The following UBN2 variants were observed in gnomAD, a reference collection of about 807,000 sequenced individuals.
UBN2 encodes the protein ubinuclein-2.
In UBN2, 35 loss-of-function variants were observed where a neutral mutation model predicts 120.2. That is an observed-to-expected ratio of 0.29 (90% CI 0.22 to 0.39). The LOEUF (loss-of-function observed/expected upper bound fraction) is 0.39. Among genes scored for constraint, UBN2 ranks in the 10% least tolerant of loss-of-function variants. The pLI is 1.00. For missense variants in UBN2, 1,693 were observed against 1,663.2 expected (o/e 1.02, Z -0.31); for synonymous variants, 661 against 648.7 (o/e 1.02, Z -0.29).
At chr7:139,297,440 G>T (rs1798140619) in intron 17 of UBN2, among the ~76,000 whole-genome samples, 1 of 152,004 alleles carries the variant, frequency 6.6e-6, no homozygotes, top group African/African-American at 2.4e-5. Context: ...AGATGTAGTG[G>T]GTCCCTCGGA....
At chr7:139,238,288 G>A (rs147684949) in intron 2 of UBN2, among the ~76,000 whole-genome samples, 8 of 152,318 alleles carry the variant, frequency 5.3e-5, no homozygotes, top group African/African-American at 1.9e-4. Flanking sequence ...CTGGCTCCTT[G>A]TGGTAATTAA....
At position 139,261,629 on chromosome 7, in the gene UBN2, A is replaced by G. The variant is rs1196710914; in HGVS notation, c.1283A>G (p.Asn428Ser). The part of the protein sequence containing the change: ...GSPLSESGGE[N>S]GTTTQPTYTS... The stretch of plus-strand genomic sequence containing the variant: ...CCCCTATCTGAGTCGGGGGGTGAAA[A>G]TGGAACCACCACCCAGCCAACCTAC... The change falls in exon 6 of 18, where the codon AAT (asparagine) becomes AGT (serine). Residue 428 changes from asparagine to serine, a missense_variant. Around this residue, in one of 5 missense-constraint regions of UBN2, gnomAD observed 663 missense variants for 591.2 expected, o/e 1.12. Transcript: ENST00000473989. 6.2e-7 allele frequency: 1 copy of G among 1,614,192 alleles called. No homozygotes were observed. The highest frequency in any genetic ancestry group is 1.3e-5 in the African/African-American group (1 of 75,046).
At chr7:139,269,355 A>C in intron 7 of UBN2, 39 bp from the exon 8 acceptor site, 2 of 1,577,380 alleles carry the variant, frequency 1.3e-6, no homozygotes, top group Non-Finnish European at 1.7e-6. Flanking sequence ...ACCTAAAATA[A>C]ATTCTATACT....
In UBN2 at chr7:139,258,610, G is replaced by A. The variant is rs1363181124; in HGVS notation, c.786G>A (p.Lys262=). 8 of 1,597,796 alleles carry A rather than the reference G, an allele frequency of 5.0e-6. No homozygotes were observed. The Admixed American group carries it at 1.4e-4, about 27-fold the overall frequency. ...TEEDDITDNQ[K]HKPPKVPKIK... ...AAGATGATATTACAGACAACCAAAAGCACAAGCCACCCAAGGTGAGTTTAT... is the reference window on the plus strand; with the variant it reads ...AAGATGATATTACAGACAACCAAAAACACAAGCCACCCAAGGTGAGTTTAT... The change falls in exon 4 of 18, where the codon AAG becomes AAA. Residue 262 remains lysine, a synonymous_variant. Coordinates refer to ENST00000473989, the MANE Select transcript of UBN2 (RefSeq NM_173569.4).
At chr7:139,246,972 G>A (rs143739923) in intron 2 of UBN2, among the ~76,000 whole-genome samples, 2,631 of 152,096 alleles carry the variant, frequency 0.017, 41 homozygotes, top group Middle Eastern at 0.044. Flanking sequence ...GATGATGACC[G>A]TTGGGTTGTT....
intron 6 of UBN2, 23 bp downstream of exon 6, chr7:139,261,764 T>G: frequency 6.3e-7 from 1 of 1,588,226 alleles, no homozygotes; most frequent in Non-Finnish European, 8.6e-7. Flanking sequence ...ATTCTCTTGC[T>G]TTTTATTTGC....
At chr7:139,294,537 G>A (rs1482396379) in intron 17 of UBN2, among the ~76,000 whole-genome samples, 4 of 152,146 alleles carry the variant, frequency 2.6e-5, no homozygotes, top group Admixed American at 2.0e-4. Context: ...GCATTTTAGC[G>A]GAGATGAAAT....
Position 139,239,661 on chromosome 7 carries a change from A to C in UBN2, c.561+2564A>C, listed in dbSNP as rs1475892890. On this transcript the variant is annotated intron_variant, in intron 2 of 17. Transcript: ENST00000473989. The stretch of plus-strand genomic sequence containing the variant: ...CAACCTCCACTTCCCAGGTTCCAGC[A>C]GTTCTCCTGCCTCAACCTCCCAAGT... 2.7e-5 allele frequency among the ~76,000 whole-genome samples: 4 copies of C among 147,300 alleles called. No individual in the cohort carries two copies. In the East Asian group the frequency reaches 8.0e-4, roughly 29 times the overall value.
At chr7:139,248,181 C>T (rs957352070) in intron 2 of UBN2, among the ~76,000 whole-genome samples, 3 of 151,802 alleles carry the variant, frequency 2.0e-5, no homozygotes, top group African/African-American at 2.4e-5. Flanking sequence ...AGTAATGGTT[C>T]GAAATAAGCT....
chr7:139,250,322 T>C (rs1796590450), intron 2 of UBN2, among the ~76,000 whole-genome samples: 1 of 151,970 alleles, frequency 6.6e-6, no homozygotes, highest in Non-Finnish European at 1.5e-5. Context: ...AACGTCCGCC[T>C]CCCCAGTTCA....
chr7:139,231,530 CG>C lies in UBN2; in HGVS notation c.48del (p.Arg17GlyfsTer169). 7.1e-7 allele frequency: 1 copy of C among 1,417,872 alleles called. No homozygotes were observed. Among genetic ancestry groups the C allele is most frequent in the Non-Finnish European group, 9.3e-7 (1 of 1,077,818 alleles). 87.8% of individuals were successfully genotyped at this position (1,417,872 alleles called of 1,614,324 possible). A position where few individuals can be genotyped will look rare whatever the true frequency, so the allele number is the denominator to read the frequency against. Reference protein sequence around the residue: ...RVAFISLSPVRRREAEYPGPE... With the variant: ...RVAFISLSPVXRREAEYPGPE... ...AGCGTTCATTAGCTTGTCACCGGTGCGGCGGCGCGAGGCCGAGTACCCGGGG... is the reference window on the plus strand; with the variant it reads ...AGCGTTCATTAGCTTGTCACCGGTGCGCGGCGCGAGGCCGAGTACCCGGGG... On this transcript the variant is annotated frameshift_variant, in exon 1 of 18. Transcript: ENST00000473989. LOFTEE classifies it high-confidence loss of function.
At chr7:139,264,261 A>G (rs1797025000) in intron 6 of UBN2, among the ~76,000 whole-genome samples, 1 of 152,152 alleles carries the variant, frequency 6.6e-6, no homozygotes, top group Non-Finnish European at 1.5e-5. Context: ...CTTAGAGATT[A>G]CCAACTCTAC....
chr7:139,312,411 A>G (rs950734217), downstream of UBN2, among the ~76,000 whole-genome samples: 4 of 152,236 alleles, frequency 2.6e-5, no homozygotes, highest in Non-Finnish European at 5.9e-5. Flanking sequence ...TGCACGCACC[A>G]CATTATACAT....
At position 139,284,101 on chromosome 7, in the gene UBN2, T is replaced by C. The variant is rs1797700804; in HGVS notation, c.3196T>C (p.Ser1066Pro). ...TTCTGCCTCACCCAAGCCCTCTCTGTCAGCTAAGCCTTCAGTATCAACTAA... is the reference window on the plus strand; with the variant it reads ...TTCTGCCTCACCCAAGCCCTCTCTGCCAGCTAAGCCTTCAGTATCAACTAA... ...KPSASPKPSL[S>P]AKPSVSTKLI... The change falls in exon 15 of 18, where the codon TCA (serine) becomes CCA (proline). Residue 1066 changes from serine to proline, a missense_variant. Transcript: ENST00000473989. 6.2e-6 allele frequency: 10 copies of C among 1,614,114 alleles called. No homozygotes were observed. The highest frequency in any genetic ancestry group is 8.5e-6 in the Non-Finnish European group (10 of 1,180,014).
Position 139,304,182 on chromosome 7 carries a change from A to T in UBN2, c.*6346A>T, listed in dbSNP as rs1260997343. ...CACTGAAGGGGTGAGCACTACACAC[A>T]GTCAGCTGGATACTCTTGTAGCCAT... On this transcript the variant is annotated 3_prime_UTR_variant, in exon 18 of 18. Coordinates refer to ENST00000473989, the MANE Select transcript of UBN2 (RefSeq NM_173569.4). 1 of 152,200 alleles carries T rather than the reference A, an allele frequency of 6.6e-6. No homozygotes were observed. Among genetic ancestry groups the T allele is most frequent in the South Asian group, 2.1e-4 (1 of 4,834 alleles). The allele number at this position is 152,200 out of a possible 1,614,324, so 9.4% of individuals were successfully genotyped here. A position where few individuals can be genotyped will look rare whatever the true frequency, so the allele number is the denominator to read the frequency against.
intron 6 of UBN2, among the ~76,000 whole-genome samples, chr7:139,262,787 A>G (rs1182079161): frequency 6.6e-6 from 1 of 151,452 alleles, no homozygotes; most frequent in Non-Finnish European, 1.5e-5. Flanking sequence ...TGGTTCTTTT[A>G]TTATTAAACA....
intron 1 of UBN2, among the ~76,000 whole-genome samples, chr7:139,233,982 A>T (rs1255546773): frequency 1.3e-5 from 2 of 152,026 alleles, no homozygotes; most frequent in Non-Finnish European, 2.9e-5. Context: ...AACAAAATCC[A>T]TTGTATATAA....
intron 2 of UBN2, among the ~76,000 whole-genome samples, chr7:139,246,160 T>A (rs1796462506): frequency 6.6e-6 from 1 of 152,040 alleles, no homozygotes; most frequent in African/African-American, 2.4e-5. Context: ...AGGTCAGGGG[T>A]TCGAGACCAG....
At chr7:139,259,824 C>T (rs1329370433) in intron 5 of UBN2, among the ~76,000 whole-genome samples, 3 of 152,166 alleles carry the variant, frequency 2.0e-5, no homozygotes, top group Admixed American at 6.5e-5. Flanking sequence ...TCTAGGCTCA[C>T]TGCAACTCCC....
Sources: gnomAD v4.1 joint callset for allele counts (sites outside exome capture counted in the v4.1 genomes callset) on GRCh38, gnomAD v4.1.1 for gene constraint, gnomAD v4.1.1 regional missense constraint, MANE v1.5 for transcripts, NCBI Gene and HGNC (gene_info 2026-07-23, HGNC 2026-07-21) for gene names.